Variants in KCNH7 observed in about 807,000 individuals in gnomAD.
KCNH7 encodes voltage-gated inwardly rectifying potassium channel KCNH7.
KCNH7 carries 49 observed loss-of-function variants against 120.8 expected under a neutral mutation model. The observed-to-expected ratio is 0.41, with a 90% CI of 0.32 to 0.51. The LOEUF is 0.51. KCNH7 is among the 20% of genes least tolerant of loss of function. The pLI is 0.38. For synonymous variants in KCNH7, 547 were observed against 516.1 expected, an observed-to-expected ratio of 1.06 and a Z score of -0.81; for missense variants, 1,097 against 1,446.6, an observed-to-expected ratio of 0.76 and a Z score of 3.92.
intron 2 of KCNH7, among the ~76,000 whole-genome samples, chr2:162,731,995 G>T (rs772549843): frequency 6.6e-6 from 1 of 152,164 alleles, no homozygotes; most frequent in Admixed American, 6.5e-5. Context: ...TGAGTTTTCA[G>T]CTAAATGGCA....
intron 2 of KCNH7, among the ~76,000 whole-genome samples, chr2:162,703,637 G>T (rs1202595547): frequency 6.6e-6 from 1 of 152,226 alleles, no homozygotes; most frequent in East Asian, 1.9e-4. Context: ...CTACTTGATA[G>T]CTAATCTCTT....
intron 2 of KCNH7, among the ~76,000 whole-genome samples, chr2:162,635,174 T>C (rs1216341840): frequency 1.3e-5 from 2 of 152,076 alleles, no homozygotes; most frequent in African/African-American, 4.8e-5. Flanking sequence ...GAGGTCATAA[T>C]CTGCAGTTGC....
chr2:162,727,065 G>A (rs1004287800), intron 2 of KCNH7, among the ~76,000 whole-genome samples: 3 of 152,100 alleles, frequency 2.0e-5, no homozygotes, highest in African/African-American at 7.2e-5. Flanking sequence ...CATTCATACA[G>A]ATACTTTTTA....
intron 14 of KCNH7, among the ~76,000 whole-genome samples, chr2:162,379,606 C>T (rs1686338474): frequency 1.3e-5 from 2 of 152,072 alleles, no homozygotes; most frequent in Non-Finnish European, 2.9e-5. Context: ...ATAGCCAGTG[C>T]TGGTGAAATA....
intron 2 of KCNH7, among the ~76,000 whole-genome samples, chr2:162,817,806 C>G (rs901399243): frequency 2.6e-5 from 4 of 152,164 alleles, no homozygotes; most frequent in Admixed American, 1.3e-4. Context: ...GTTTCATATG[C>G]TTATTGCCCA....
chr2:162,400,596 A>G (rs773635510), intron 9 of KCNH7, among the ~76,000 whole-genome samples, 155 bp from the exon 10 acceptor site: 4 of 151,894 alleles, frequency 2.6e-5, no homozygotes, highest in Non-Finnish European at 5.9e-5. Context: ...TGAATACTTG[A>G]TTTGCTAAAC....
intron 9 of KCNH7, among the ~76,000 whole-genome samples, chr2:162,418,417 G>A (rs1687601484): frequency 1.3e-5 from 2 of 152,190 alleles, no homozygotes; most frequent in African/African-American, 4.8e-5. Context: ...AAAAAGTAAG[G>A]GAGATGAAAG....
chr2:162,636,864 A>T (rs1007928613), intron 2 of KCNH7, among the ~76,000 whole-genome samples: 1 of 152,078 alleles, frequency 6.6e-6, no homozygotes, highest in Non-Finnish European at 1.5e-5. Flanking sequence ...TGAGTAATAG[A>T]TCTTGCTTTG....
At chr2:162,825,526 T>G (rs968464426) in intron 2 of KCNH7, among the ~76,000 whole-genome samples, 2 of 152,042 alleles carry the variant, frequency 1.3e-5, no homozygotes, top group Admixed American at 6.6e-5. Flanking sequence ...ACAAGAGATT[T>G]CAAAAGTTTT....
At chr2:162,612,128 A>G (rs1000091053) in intron 2 of KCNH7, among the ~76,000 whole-genome samples, 1 of 152,228 alleles carries the variant, frequency 6.6e-6, no homozygotes, top group African/African-American at 2.4e-5. Flanking sequence ...TTTTAGACTC[A>G]GAAGTGAGTT....
intron 3 of KCNH7, among the ~76,000 whole-genome samples, chr2:162,529,562 AC>A (rs1420023972): frequency 6.6e-6 from 1 of 151,986 alleles, no homozygotes; most frequent in African/African-American, 2.4e-5. Flanking sequence ...TTAAAATGAA[AC>A]AAAAATAATT....
In KCNH7 at chr2:162,536,953, G is replaced by A. The variant is rs749401071; in HGVS notation, c.435C>T (p.Asn145=). The part of the protein sequence containing the change: ...NENAATPERV[N]PILPIKTVNR... The stretch of plus-strand genomic sequence containing the variant: ...TTACAGTTTTGATTGGTAATATTGG[G>A]TTTACCCTCTCTGGGGTGGCAGCGT... The change falls in exon 3 of 16, where the codon AAC becomes AAT. Residue 145 remains asparagine, a synonymous_variant. Transcript: ENST00000332142. 6.2e-7 allele frequency: 1 copy of A among 1,612,666 alleles called. No individual in the cohort carries two copies. The highest frequency in any genetic ancestry group is 8.5e-7 in the Non-Finnish European group (1 of 1,179,080).
chr2:162,437,521 G>T (rs905941433), intron 7 of KCNH7, among the ~76,000 whole-genome samples: 1 of 152,134 alleles, frequency 6.6e-6, no homozygotes, highest in African/African-American at 2.4e-5. Context: ...TAGCTTAGCA[G>T]TTATGTGCTA....
intron 2 of KCNH7, among the ~76,000 whole-genome samples, chr2:162,733,332 A>G (rs964971562): frequency 6.6e-6 from 1 of 152,214 alleles, no homozygotes; most frequent in Non-Finnish European, 1.5e-5. Flanking sequence ...ATATTTGTTA[A>G]ACCCCTCCCT....
At chr2:162,639,639 T>G (rs968668761) in intron 2 of KCNH7, among the ~76,000 whole-genome samples, 7 of 152,120 alleles carry the variant, frequency 4.6e-5, no homozygotes, top group Non-Finnish European at 5.9e-5. Flanking sequence ...TCTGAAAGAT[T>G]GAATGTCTTC....
intron 9 of KCNH7, among the ~76,000 whole-genome samples, chr2:162,403,409 G>A (rs913643583): frequency 2.0e-5 from 3 of 151,922 alleles, no homozygotes; most frequent in Non-Finnish European, 4.4e-5. Context: ...TTGCACTTAG[G>A]TTGTCACTGT....
chr2:162,630,158 G>C (rs1335543301), intron 2 of KCNH7, among the ~76,000 whole-genome samples: 2 of 152,012 alleles, frequency 1.3e-5, no homozygotes, highest in Non-Finnish European at 2.9e-5. Flanking sequence ...AATAACTCAA[G>C]GTGATTAAAA....
At chr2:162,773,446 C>T (rs1683131742) in intron 2 of KCNH7, among the ~76,000 whole-genome samples, 1 of 152,134 alleles carries the variant, frequency 6.6e-6, no homozygotes, top group African/African-American at 2.4e-5. Flanking sequence ...CGAGATCACG[C>T]CGCTGCACTC....
chr2:162,459,075 T>C (rs1293813322), intron 6 of KCNH7, among the ~76,000 whole-genome samples: 1 of 149,730 alleles, frequency 6.7e-6, no homozygotes, highest in Non-Finnish European at 1.5e-5. Flanking sequence ...AGAGCTCTCA[T>C]GTTGTTGGAG....
Sources: gnomAD v4.1 joint callset for allele counts (sites outside exome capture counted in the v4.1 genomes callset) on GRCh38, gnomAD v4.1.1 for gene constraint, MANE v1.5 for transcripts, NCBI Gene and HGNC (gene_info 2026-07-23, HGNC 2026-07-21) for gene names.